The following ST18 variants were observed in gnomAD, a reference collection of about 807,000 sequenced individuals.
The protein encoded by ST18 is ST18 C2H2C-type zinc finger transcription factor.
ST18 carries 50 observed loss-of-function variants against 110.0 expected under a neutral mutation model. The observed-to-expected ratio is 0.45, with a 90% CI of 0.36 to 0.58. The LOEUF (loss-of-function observed/expected upper bound fraction) is 0.58, where lower values mean the gene tolerates loss of function less well. Among genes scored for constraint, ST18 ranks in the 20% least tolerant of loss-of-function variants. The pLI is 0.00. For synonymous variants in ST18, 461 were observed against 452.4 expected, an observed-to-expected ratio of 1.02 and a Z score of -0.24; for missense variants, 1,306 against 1,280.1, an observed-to-expected ratio of 1.02 and a Z score of -0.31.
At chr8:52,346,170 TTTTA>T (rs1345652569) in intron 2 of ST18, among the ~76,000 whole-genome samples, 6 of 151,098 alleles carry the variant, frequency 4.0e-5, no homozygotes, top group Non-Finnish European at 7.4e-5. Flanking sequence ...ATTTATTTTA[TTTTA>T]TTTATTTATT....
At chr8:52,254,812 G>C (rs927669565) in intron 2 of ST18, among the ~76,000 whole-genome samples, 3 of 152,192 alleles carry the variant, frequency 2.0e-5, no homozygotes, top group Non-Finnish European at 4.4e-5. Flanking sequence ...ATCTATAAAA[G>C]CCAGGGACCT....
chr8:52,159,644 T>C (rs1313254567), intron 14 of ST18, among the ~76,000 whole-genome samples: 1 of 152,240 alleles, frequency 6.6e-6, no homozygotes, highest in African/African-American at 2.4e-5. Flanking sequence ...CCAGTAGAAG[T>C]TGTTCTTCAT....
intron 2 of ST18, among the ~76,000 whole-genome samples, chr8:52,362,586 GA>G (rs1286545611): frequency 6.6e-6 from 1 of 152,098 alleles, no homozygotes; most frequent in African/African-American, 2.4e-5. Context: ...TTGGCACACA[GA>G]CTAAGAGTCG....
At chr8:52,250,402 C>T (rs2094197133) in intron 2 of ST18, among the ~76,000 whole-genome samples, 2 of 125,382 alleles carry the variant, frequency 1.6e-5, no homozygotes, top group Admixed American at 2.0e-4. Flanking sequence ...GGCCGTTTTC[C>T]TACTATCAGT....
At chr8:52,373,976 T>A (rs1831211204) in intron 2 of ST18, among the ~76,000 whole-genome samples, 1 of 152,068 alleles carries the variant, frequency 6.6e-6, no homozygotes, top group Non-Finnish European at 1.5e-5. Flanking sequence ...GCGAACAGTT[T>A]TCGCCATCAT....
At chr8:52,334,027 C>A (rs1810893323) in intron 2 of ST18, among the ~76,000 whole-genome samples, 1 of 152,208 alleles carries the variant, frequency 6.6e-6, no homozygotes, top group Admixed American at 6.5e-5. Context: ...AGGAGAGGCC[C>A]TTTGCTCTCT....
rs901505316 is a variant in ST18 at position 52,134,682 on chromosome 8, G to A, written c.2301-1381C>T. Among the ~76,000 whole-genome samples the A allele has an allele frequency of 1.8e-3, 274 of 152,092 alleles. 4 individuals are homozygous for A. The highest frequency in any genetic ancestry group is 3.8e-4 in the Non-Finnish European group (26 of 67,996). ...GGCTAACCAGAGCAACCTGCATTGA[G>A]TCTTTTATCAACCATTTAAAGACAT... On this transcript the variant is annotated intron_variant, in intron 19 of 25. Coordinates refer to ENST00000689386, the MANE Select transcript of ST18 (RefSeq NM_001352837.2).
chr8:52,112,215 C>T lies in ST18; in HGVS notation c.*983G>A, dbSNP rs1055747297. 3.9e-5 allele frequency: 6 copies of T among 152,478 alleles called. No homozygotes were observed. Among genetic ancestry groups the T allele is most frequent in the African/African-American group, 1.4e-4 (6 of 41,394 alleles). The allele number at this position is 152,478 out of a possible 1,614,324, so 9.4% of individuals were successfully genotyped here. ...GCTATTTCAGGGGATATGGTATCTA[C>T]AAAATTTTTCATTTGGATGTGTTTG... On this transcript the variant is annotated 3_prime_UTR_variant, in exon 26 of 26. Transcript: ENST00000689386.
At chr8:52,145,515 G>A (rs2056942281) in intron 16 of ST18, among the ~76,000 whole-genome samples, 1 of 152,120 alleles carries the variant, frequency 6.6e-6, no homozygotes, top group Admixed American at 6.6e-5. Flanking sequence ...CCAGGTGGCT[G>A]TCACTAAATA....
intron 2 of ST18, among the ~76,000 whole-genome samples, chr8:52,242,411 G>A (rs1012402979): frequency 1.3e-5 from 2 of 152,194 alleles, no homozygotes; most frequent in Admixed American, 6.5e-5. Flanking sequence ...AAGCAGCCCC[G>A]GCGCATCACA....
At chr8:52,157,318 C>T (rs1461434272) in intron 15 of ST18, among the ~76,000 whole-genome samples, 2 of 152,182 alleles carry the variant, frequency 1.3e-5, no homozygotes, top group East Asian at 3.9e-4. Flanking sequence ...TCTACAGGCA[C>T]AGATGGACAG....
At chr8:52,346,865 A>G (rs916633429) in intron 2 of ST18, among the ~76,000 whole-genome samples, 2 of 152,184 alleles carry the variant, frequency 1.3e-5, no homozygotes, top group Non-Finnish European at 2.9e-5. Flanking sequence ...ACAATGGGAG[A>G]TGAACAATCT....
At chr8:52,136,487 G>A (rs2131748336) in intron 19 of ST18, 103 bp downstream of exon 19, 2 of 1,153,300 alleles carry the variant, frequency 1.7e-6, no homozygotes, top group South Asian at 1.4e-5. Context: ...TGGCAGGCAG[G>A]ACATACTGCT....
intron 10 of ST18, 73 bp downstream of exon 10, chr8:52,171,719 T>A (rs907332724): frequency 6.6e-7 from 1 of 1,519,378 alleles, no homozygotes; most frequent in Non-Finnish European, 9.0e-7. Context: ...CTGAAAAAAA[T>A]AATCAAATCT....
chr8:52,212,554 C>G lies in ST18; in HGVS notation c.56-445G>C, dbSNP rs989728049. 4.6e-5 allele frequency among the ~76,000 whole-genome samples: 7 copies of G among 152,200 alleles called. No individual in the cohort carries two copies. In the East Asian group the frequency reaches 1.3e-3, roughly 29 times the overall value. On this transcript the variant is annotated intron_variant, in intron 7 of 25. Transcript: ENST00000689386. ...TCCCATGCTTTTACTCATAAACTTCCTCCATATAGAAAGGGGAGGATGAGC... is the reference window on the plus strand; with the variant it reads ...TCCCATGCTTTTACTCATAAACTTCGTCCATATAGAAAGGGGAGGATGAGC...
chr8:52,373,035 G>A (rs1830810354), intron 2 of ST18, among the ~76,000 whole-genome samples: 1 of 152,210 alleles, frequency 6.6e-6, no homozygotes, highest in African/African-American at 2.4e-5. Flanking sequence ...GGGGTACCCA[G>A]GAGTTCTGCA....
chr8:52,224,744 T>C (rs1192391282), intron 3 of ST18, among the ~76,000 whole-genome samples: 1 of 152,236 alleles, frequency 6.6e-6, no homozygotes, highest in Non-Finnish European at 1.5e-5. Flanking sequence ...CAGACTACTT[T>C]TCTTTATCAC....
At chr8:52,186,487 G>A (rs2072271118) in intron 8 of ST18, among the ~76,000 whole-genome samples, 1 of 152,178 alleles carries the variant, frequency 6.6e-6, no homozygotes, top group African/African-American at 2.4e-5. Flanking sequence ...CGGTATGGCT[G>A]CTTTGGAAAC....
chr8:52,290,210 T>G (rs2095534572), intron 2 of ST18, among the ~76,000 whole-genome samples: 1 of 152,166 alleles, frequency 6.6e-6, no homozygotes, highest in South Asian at 2.1e-4. Context: ...TTCATCTTGC[T>G]GACACCCAGC....
Sources: gnomAD v4.1 joint callset for allele counts (sites outside exome capture counted in the v4.1 genomes callset) on GRCh38, gnomAD v4.1.1 for gene constraint, MANE v1.5 for transcripts, NCBI Gene and HGNC (gene_info 2026-07-23, HGNC 2026-07-21) for gene names.